ELF1: variants seen among roughly 807,000 people sequenced by gnomAD.
ELF1 encodes ETS-related transcription factor Elf-1.
In ELF1, 24 loss-of-function variants were observed where a neutral mutation model predicts 59.9. The observed-to-expected ratio is 0.40, with a 90% CI of 0.29 to 0.56. The LOEUF (loss-of-function observed/expected upper bound fraction) is 0.56. ELF1 is among the 20% of genes least tolerant of loss of function. The pLI is 0.44. For synonymous variants in ELF1, 248 were observed against 266.2 expected (o/e 0.93, Z 0.67); for missense variants, 627 against 742.2 (o/e 0.84, Z 1.80).
intron 1 of ELF1, among the ~76,000 whole-genome samples, chr13:41,008,001 T>C (rs905604231): frequency 3.3e-5 from 5 of 152,136 alleles, no homozygotes; most frequent in Non-Finnish European, 7.3e-5. Flanking sequence ...AAGCCATGAG[T>C]CTACTCCTTA....
chr13:41,042,661 G>A (rs1876667966), intron 1 of ELF1, among the ~76,000 whole-genome samples: 1 of 152,130 alleles, frequency 6.6e-6, no homozygotes, highest in Non-Finnish European at 1.5e-5. Context: ...TGGCTGCATA[G>A]TATTCCATGG....
chr13:41,036,196 A>T (rs1182822604), intron 1 of ELF1, among the ~76,000 whole-genome samples: 1 of 152,112 alleles, frequency 6.6e-6, no homozygotes, highest in African/African-American at 2.4e-5. Flanking sequence ...GATTACAGGC[A>T]TGAGCCACCA....
chr13:40,956,380 C>G (rs929169893), intron 3 of ELF1, among the ~76,000 whole-genome samples: 1 of 151,922 alleles, frequency 6.6e-6, no homozygotes, highest in South Asian at 2.1e-4. Flanking sequence ...GCAGCATGCT[C>G]GTTAAGAGTC....
At chr13:40,993,350 AT>A in intron 1 of ELF1, 2 of 1,249,036 alleles carry the variant, frequency 1.6e-6, no homozygotes, top group Non-Finnish European at 2.3e-6. Context: ...ACAAGACCCA[AT>A]TAGCCAGTTG....
intron 2 of ELF1, among the ~76,000 whole-genome samples, chr13:40,967,938 GCTTT>G (rs1198670729): frequency 6.6e-6 from 1 of 151,802 alleles, no homozygotes; most frequent in African/African-American, 2.4e-5. Context: ...TATTTCTTTT[GCTTT>G]CTTTAACCTT....
chr13:41,005,289 A>C (rs1356244185), intron 1 of ELF1, among the ~76,000 whole-genome samples: 3 of 152,032 alleles, frequency 2.0e-5, no homozygotes, highest in Non-Finnish European at 4.4e-5. Flanking sequence ...TTAGGAGCAA[A>C]CACCACACAA....
At chr13:41,021,756 T>C (rs1395091933), upstream of ELF1, among the ~76,000 whole-genome samples, 1 of 152,204 alleles carries the variant, frequency 6.6e-6, no homozygotes, top group African/African-American at 2.4e-5. Context: ...CAATCCAGTT[T>C]TTTAAATGGT....
Position 40,932,202 on chromosome 13 carries a change from T to C in ELF1, c.*1223A>G, listed in dbSNP as rs1254849309. ...TCATCTACAAAAATTTCTGTTATACTAGAAAATTTGCAGAAGACATTTTTT... is the reference window on the plus strand; with the variant it reads ...TCATCTACAAAAATTTCTGTTATACCAGAAAATTTGCAGAAGACATTTTTT... On this transcript the variant is annotated 3_prime_UTR_variant, in exon 9 of 9. Transcript: ENST00000239882. The C allele has an allele frequency of 3.9e-5, 6 of 152,168 alleles. No homozygotes were observed. The highest frequency in any genetic ancestry group is 8.8e-5 in the Non-Finnish European group (6 of 68,032). 9.4% of individuals were successfully genotyped at this position (152,168 alleles called of 1,614,324 possible). A position where few individuals can be genotyped will look rare whatever the true frequency, so the allele number is the denominator to read the frequency against.
At chr13:41,035,182 A>G (rs1023140177) in intron 1 of ELF1, among the ~76,000 whole-genome samples, 1 of 152,228 alleles carries the variant, frequency 6.6e-6, no homozygotes, top group South Asian at 2.1e-4. Flanking sequence ...CATTTTGAGC[A>G]CTCAAGGATG....
intron 2 of ELF1, among the ~76,000 whole-genome samples, chr13:40,977,437 C>T (rs960590278): frequency 1.3e-5 from 2 of 152,038 alleles, no homozygotes; most frequent in African/African-American, 4.8e-5. Context: ...CCAACACCCC[C>T]GCCATGACCC....
intron 3 of ELF1, among the ~76,000 whole-genome samples, chr13:40,952,967 T>A (rs1593357475): frequency 7.8e-6 from 1 of 128,328 alleles, no homozygotes; most frequent in Admixed American, 9.8e-5. Flanking sequence ...TTAAATATAC[T>A]AACAATAAAT....
chr13:40,955,527 C>T (rs1429595881), intron 3 of ELF1, among the ~76,000 whole-genome samples: 5 of 89,620 alleles, frequency 5.6e-5, no homozygotes, highest in Admixed American at 3.0e-4. Flanking sequence ...CCCGGCCAGC[C>T]GCCCCGTCCG....
intron 1 of ELF1, among the ~76,000 whole-genome samples, chr13:41,025,070 A>T (rs1593401366): frequency 2.0e-5 from 3 of 152,316 alleles, no homozygotes; most frequent in Middle Eastern, 3.4e-3. Flanking sequence ...TTAGAGGCAA[A>T]ATTAAAAGCC....
intron 3 of ELF1, among the ~76,000 whole-genome samples, chr13:40,953,354 T>A (rs1870985268): frequency 6.6e-6 from 1 of 152,208 alleles, no homozygotes; most frequent in African/African-American, 2.4e-5. Flanking sequence ...TAACCCCCAG[T>A]ACCTCAGAAT....
At chr13:41,022,168 GA>G (rs1875714808), upstream of ELF1, among the ~76,000 whole-genome samples, 2 of 152,272 alleles carry the variant, frequency 1.3e-5, no homozygotes, top group South Asian at 4.1e-4. Context: ...ATCAATGTGT[GA>G]ATGGATAAAT....
intron 1 of ELF1, among the ~76,000 whole-genome samples, chr13:40,989,744 G>A (rs577874458): frequency 2.0e-5 from 3 of 152,076 alleles, no homozygotes; most frequent in East Asian, 1.9e-4. Flanking sequence ...CATTATTGTC[G>A]TGCTCAAATT....
At chr13:41,039,944 CA>C (rs1477465254) in intron 1 of ELF1, among the ~76,000 whole-genome samples, 1 of 152,172 alleles carries the variant, frequency 6.6e-6, no homozygotes, top group Non-Finnish European at 1.5e-5. Context: ...AAAAGATGTT[CA>C]TTCTCATAAC....
intron 7 of ELF1, among the ~76,000 whole-genome samples, chr13:40,941,595 G>A (rs1036155468): frequency 1.4e-4 from 21 of 152,058 alleles, no homozygotes; most frequent in African/African-American, 4.1e-4. Context: ...GCTGATTGGG[G>A]GACTGTTGAT....
intron 2 of ELF1, among the ~76,000 whole-genome samples, chr13:40,977,924 G>T (rs1224653002): frequency 6.6e-6 from 1 of 152,178 alleles, no homozygotes; most frequent in African/African-American, 2.4e-5. Context: ...ATTAACAAAG[G>T]TGGCAGTTTA....
Sources: allele counts gnomAD v4.1 joint callset (sites outside exome capture counted in the v4.1 genomes callset), GRCh38; gene constraint gnomAD v4.1.1; transcripts MANE v1.5; gene names NCBI Gene and HGNC (gene_info 2026-07-23, HGNC 2026-07-21).